NR3C1: variants seen among roughly 807,000 people sequenced by gnomAD.
NR3C1 encodes glucocorticoid receptor.
In NR3C1, 14 loss-of-function variants were observed where a neutral mutation model predicts 74.0. The observed-to-expected ratio is 0.19, with a 90% CI of 0.12 to 0.30. NR3C1 has a LOEUF of 0.30. NR3C1 is among the 10% of genes least tolerant of loss of function. The pLI is 1.00. For missense variants in NR3C1, 695 were observed against 909.8 expected, an observed-to-expected ratio of 0.76 and a Z score of 3.04; for synonymous variants, 308 against 332.5, an observed-to-expected ratio of 0.93 and a Z score of 0.80.
intron 1 of NR3C1, chr5:143,402,935 C>G (rs982612655): frequency 7.4e-6 from 6 of 812,880 alleles, no homozygotes; most frequent in Non-Finnish European, 8.9e-6. Context: ...TCGAAGCCCC[C>G]GGCAGTTCGA....
At chr5:143,289,630 A>G (rs1209998639) in intron 7 of NR3C1, among the ~76,000 whole-genome samples, 1 of 152,208 alleles carries the variant, frequency 6.6e-6, no homozygotes, top group South Asian at 2.1e-4. Context: ...CATGCAAAAC[A>G]TATATTTAAC....
upstream of NR3C1, chr5:143,404,058 C>T (rs777937885): frequency 2.0e-6 from 2 of 985,606 alleles, no homozygotes; most frequent in Non-Finnish European, 2.4e-6. Context: ...CTCCTTCCCG[C>T]CCCCGCCCAG....
In NR3C1 at chr5:143,391,954, A is replaced by G. The variant is rs530820892; in HGVS notation, c.1184+7702T>C. 2.0e-5 allele frequency among the ~76,000 whole-genome samples: 3 copies of G among 151,696 alleles called. No homozygotes were observed. In the South Asian group the frequency reaches 6.3e-4, roughly 32 times the overall value. On this transcript the variant is annotated intron_variant, in intron 2 of 8. Transcript: ENST00000394464. ...CCTTGCATTTTTATAATGCTTTTTA[A>G]TTTTCTTTTCTTTTTTTTTTCTTTT...
At chr5:143,419,029 G>C (rs1428297616) in intron 1 of NR3C1, among the ~76,000 whole-genome samples, 1 of 152,170 alleles carries the variant, frequency 6.6e-6, no homozygotes, top group Non-Finnish European at 1.5e-5. Flanking sequence ...AATCGGAAAT[G>C]CTCCAAAATC....
At chr5:143,298,629 C>T (rs371452798) in intron 6 of NR3C1, 39 bp downstream of exon 6, 2 of 1,599,012 alleles carry the variant, frequency 1.3e-6, no homozygotes, top group African/African-American at 1.3e-5. Flanking sequence ...GTTAAAGATA[C>T]CCTATGAATA....
At chr5:143,410,812 T>G (rs1841265762) in intron 1 of NR3C1, among the ~76,000 whole-genome samples, 1 of 152,212 alleles carries the variant, frequency 6.6e-6, no homozygotes, top group Non-Finnish European at 1.5e-5. Context: ...CTCTTTTCAC[T>G]TATTTCCCAG....
rs1816973933 is a variant in NR3C1, at chr5:143,295,447, G to T, written c.2023+13C>A. 1 of 1,611,540 alleles carries T rather than the reference G, an allele frequency of 6.2e-7. No individual in the cohort carries two copies. On this transcript the variant is annotated intron_variant, in intron 7 of 8. Coordinates refer to ENST00000394464, the MANE Select transcript of NR3C1 (RefSeq NM_000176.3). ...CATGCTTTTGACATAAGGTGAAAAG[G>T]TGTTCTACCAACCTGAAGAGAGAAG...
chr5:143,349,209 G>A (rs1439873019), intron 2 of NR3C1, among the ~76,000 whole-genome samples: 1 of 152,106 alleles, frequency 6.6e-6, no homozygotes, highest in Non-Finnish European at 1.5e-5. Context: ...GTTTCCCCAA[G>A]GATATCATTT....
Position 143,372,033 on chromosome 5 carries a change from A to G in NR3C1, c.1184+27623T>C, listed in dbSNP as rs138781181. On this transcript the variant is annotated intron_variant, in intron 2 of 8. Transcript: ENST00000394464. ...CAAACACTATATATACTTACCTTAA[A>G]TGCCTTTTTCCTTTTAACTAAGCAC... Among the ~76,000 whole-genome samples, 12 of 152,262 alleles carry G rather than the reference A, an allele frequency of 7.9e-5. No individual in the cohort carries two copies. In the East Asian group the frequency reaches 2.3e-3, roughly 29 times the overall value.
Position 143,380,741 on chromosome 5 carries a change from C to T in NR3C1, c.1184+18915G>A, listed in dbSNP as rs116298742. Among the ~76,000 whole-genome samples the T allele has an allele frequency of 6.9e-3, 1,043 of 152,046 alleles. 4 individuals are homozygous for T. The highest frequency in any genetic ancestry group is 0.011 in the Non-Finnish European group (778 of 67,980). On this transcript the variant is annotated intron_variant, in intron 2 of 8. Coordinates refer to ENST00000394464, the MANE Select transcript of NR3C1 (RefSeq NM_000176.3). ...TTCAGCTCCTCTTCAAGCTTATGGC[C>T]GAAATATAAATCTGATAATGGTACC...
At chr5:143,295,685 T>TAAAG (rs1817020083) in intron 6 of NR3C1, 95 bp from the exon 7 acceptor site, 2 of 982,480 alleles carry the variant, frequency 2.0e-6, no homozygotes, top group Admixed American at 3.4e-5. Flanking sequence ...TATGAACTCA[T>TAAAG]AAAGAAAAAC....
upstream of NR3C1, among the ~76,000 whole-genome samples, chr5:143,407,895 C>A: frequency 6.6e-6 from 1 of 152,178 alleles, no homozygotes; most frequent in East Asian, 1.9e-4. Flanking sequence ...TCCCAACTCC[C>A]AGTATGGTAT....
exon 1 of NR3C1, chr5:143,434,644 G>A (rs142917200): frequency 3.0e-6 from 3 of 985,396 alleles, no homozygotes; most frequent in African/African-American, 3.5e-5. Context: ...AGGAGGGTAG[G>A]AGCTGCATTT....
chr5:143,395,571 G>A (rs1328281865), intron 2 of NR3C1, among the ~76,000 whole-genome samples: 1 of 151,850 alleles, frequency 6.6e-6, no homozygotes, highest in Non-Finnish European at 1.5e-5. Flanking sequence ...AAGGGTAAAT[G>A]CTATTCAGCA....
chr5:143,426,310 T>C (rs1600686338), intron 1 of NR3C1, among the ~76,000 whole-genome samples: 1 of 152,188 alleles, frequency 6.6e-6, no homozygotes, highest in Non-Finnish European at 1.5e-5. Context: ...GCGGGGATGG[T>C]TGTACAAAAT....
intron 2 of NR3C1, among the ~76,000 whole-genome samples, chr5:143,317,394 T>G (rs1478813648): frequency 6.6e-6 from 1 of 152,206 alleles, no homozygotes; most frequent in Admixed American, 6.6e-5. Context: ...TCTGTAATAG[T>G]TATTGATTGC....
At chr5:143,303,496 T>C (rs1316818518) in intron 4 of NR3C1, among the ~76,000 whole-genome samples, 1 of 151,964 alleles carries the variant, frequency 6.6e-6, no homozygotes, top group Non-Finnish European at 1.5e-5. Context: ...TTCTACCAGA[T>C]GTACAAAGAA....
At chr5:143,383,192 T>G (rs1444572173) in intron 2 of NR3C1, among the ~76,000 whole-genome samples, 1 of 152,256 alleles carries the variant, frequency 6.6e-6, no homozygotes, top group Non-Finnish European at 1.5e-5. Flanking sequence ...TCCACTGTTG[T>G]ATCCTCTGCA....
intron 2 of NR3C1, among the ~76,000 whole-genome samples, chr5:143,373,501 T>C (rs1452730724): frequency 6.6e-6 from 1 of 151,840 alleles, no homozygotes; most frequent in African/African-American, 2.4e-5. Flanking sequence ...TTAGGAGAAA[T>C]ACCCAGTGTA....
Sources: gnomAD v4.1 joint callset for allele counts (sites outside exome capture counted in the v4.1 genomes callset) on GRCh38, gnomAD v4.1.1 for gene constraint, MANE v1.5 for transcripts, NCBI Gene and HGNC (gene_info 2026-07-23, HGNC 2026-07-21) for gene names.